The following CCDC73 variants were observed in gnomAD, a reference collection of about 807,000 sequenced individuals.
CCDC73 encodes the protein coiled-coil domain containing 73.
CCDC73 carries 95 observed loss-of-function variants against 116.5 expected under a neutral mutation model. The observed-to-expected ratio is 0.82, with a 90% CI of 0.69 to 0.97. The LOEUF is 0.97. Ranked by LOEUF, CCDC73 falls within the 50% of genes least tolerant of loss-of-function variation. The probability of loss-of-function intolerance (pLI) is 0.00; values close to 1 mark genes in which losing one functional copy is unlikely to be tolerated. For missense variants in CCDC73, 1,066 were observed against 1,206.8 expected (o/e 0.88, Z 1.73); for synonymous variants, 398 against 401.3 (o/e 0.99, Z 0.10).
intron 2 of CCDC73, among the ~76,000 whole-genome samples, chr11:32,718,552 C>T (rs141231756): frequency 6.6e-6 from 1 of 152,302 alleles, no homozygotes; most frequent in East Asian, 1.9e-4. Flanking sequence ...CAGGTGCTTA[C>T]AGAAAAGGTT....
At chr11:32,785,493 C>T (rs184514386) in intron 1 of CCDC73, among the ~76,000 whole-genome samples, 2 of 152,260 alleles carry the variant, frequency 1.3e-5, no homozygotes, top group East Asian at 3.9e-4. Context: ...CCTTGACCTC[C>T]AGGGCTCAAG....
chr11:32,748,066 T>C (rs1272660563), intron 2 of CCDC73, among the ~76,000 whole-genome samples: 1 of 152,250 alleles, frequency 6.6e-6, no homozygotes, highest in Non-Finnish European at 1.5e-5. Context: ...CTGTTCCTAT[T>C]CAGCCATCTT....
chr11:32,645,291 CTTTTTT>C (rs397689348), intron 12 of CCDC73, among the ~76,000 whole-genome samples: 2 of 121,084 alleles, frequency 1.7e-5, no homozygotes, highest in Non-Finnish European at 3.5e-5. Flanking sequence ...TTTTCTTTTT[CTTTTTT>C]TTTTTTTTTT....
upstream of CCDC73, among the ~76,000 whole-genome samples, chr11:32,798,097 G>A (rs773207008): frequency 6.6e-6 from 1 of 152,164 alleles, no homozygotes; most frequent in Non-Finnish European, 1.5e-5. Context: ...TTAGATTTGG[G>A]TCTCTAACCC....
chr11:32,711,871 A>G (rs544413218), intron 3 of CCDC73, among the ~76,000 whole-genome samples: 5 of 152,270 alleles, frequency 3.3e-5, no homozygotes, highest in African/African-American at 1.2e-4. Context: ...TAATGCTCTA[A>G]CAGAACACCA....
At chr11:32,798,043 G>C (rs1426556883), upstream of CCDC73, among the ~76,000 whole-genome samples, 1 of 152,134 alleles carries the variant, frequency 6.6e-6, no homozygotes, top group African/African-American at 2.4e-5. Flanking sequence ...TCACCATCAG[G>C]CTATATGCAT....
chr11:32,779,354 C>T (rs1238681695), intron 1 of CCDC73, among the ~76,000 whole-genome samples: 1 of 147,064 alleles, frequency 6.8e-6, no homozygotes, highest in Non-Finnish European at 1.5e-5. Context: ...ATATAGAAAA[C>T]ACAACTTAAG....
chr11:32,637,017 CT>C (rs71063750), intron 13 of CCDC73, among the ~76,000 whole-genome samples: 119 of 87,962 alleles, frequency 1.4e-3, no homozygotes, highest in South Asian at 0.012. Context: ...TTTTCTTTTT[CT>C]TTTTTTTTTT....
chr11:32,705,564 CTCTTGGCAGGCATG>C (rs1399016705), intron 3 of CCDC73, among the ~76,000 whole-genome samples: 1 of 152,178 alleles, frequency 6.6e-6, no homozygotes, highest in Non-Finnish European at 1.5e-5. Context: ...GCCTGGCTTG[CTCTTGGCAGGCATG>C]GGATCTGGGC....
chr11:32,822,993 C>T, the CCDC73 span, among the ~76,000 whole-genome samples: 14 of 152,074 alleles, frequency 9.2e-5, no homozygotes, highest in African/African-American at 3.4e-4. Flanking sequence ...CAGGGCCAGG[C>T]ACAGTGGCTC....
At chr11:32,826,529 AG>A in the CCDC73 span, among the ~76,000 whole-genome samples, 1 of 152,172 alleles carries the variant, frequency 6.6e-6, no homozygotes, top group South Asian at 2.1e-4. Context: ...GCTCAAATTC[AG>A]AGATGCATTA....
chr11:32,819,267 C>T, the CCDC73 span, among the ~76,000 whole-genome samples: 1 of 151,262 alleles, frequency 6.6e-6, no homozygotes, highest in Non-Finnish European at 1.5e-5. Flanking sequence ...GATTTCCATA[C>T]AGGACAAACC....
At chr11:32,622,774 G>A (rs1237443467) in intron 14 of CCDC73, among the ~76,000 whole-genome samples, 1 of 151,202 alleles carries the variant, frequency 6.6e-6, no homozygotes, top group Non-Finnish European at 1.5e-5. Flanking sequence ...AATACACACA[G>A]TGCATAGGTG....
chr11:32,718,414 G>C (rs531063868), intron 2 of CCDC73, among the ~76,000 whole-genome samples: 1 of 152,258 alleles, frequency 6.6e-6, no homozygotes, highest in South Asian at 2.1e-4. Context: ...CTGAGGACTG[G>C]TAAGAAGCTT....
the CCDC73 span, among the ~76,000 whole-genome samples, chr11:32,816,510 G>A: frequency 1.3e-5 from 2 of 152,152 alleles, no homozygotes; most frequent in Non-Finnish European, 2.9e-5. Flanking sequence ...GGCCTGTTCA[G>A]GATAGACTCT....
chr11:32,610,493 T>C (rs113901334), intron 17 of CCDC73, among the ~76,000 whole-genome samples: 13 of 152,378 alleles, frequency 8.5e-5, no homozygotes, highest in Non-Finnish European at 2.9e-5. Flanking sequence ...GAGAAAGTTG[T>C]TTAATAGTTT....
rs117590084 is a variant in CCDC73 at position 32,703,338 on chromosome 11, C to T, written c.208-394G>A. 1.2e-3 allele frequency among the ~76,000 whole-genome samples: 176 copies of T among 152,132 alleles called. 2 individuals carry two copies. In the East Asian group the frequency reaches 0.029, roughly 25 times the overall value. ...CCTGGACTCAAGCGACCCACCACTT[C>T]GGCCTCCCAAAATGCTAGGATTACA... On this transcript the variant is annotated intron_variant, in intron 3 of 17. Transcript: ENST00000335185.
chr11:32,744,771 T>A (rs964829313), intron 2 of CCDC73, among the ~76,000 whole-genome samples: 1 of 152,216 alleles, frequency 6.6e-6, no homozygotes, highest in Admixed American at 6.5e-5. Flanking sequence ...TATCATTTTT[T>A]ATTGCGACTA....
chr11:32,647,400 C>T (rs1253088303), intron 12 of CCDC73, among the ~76,000 whole-genome samples: 3 of 152,150 alleles, frequency 2.0e-5, no homozygotes, highest in African/African-American at 4.8e-5. Flanking sequence ...GCCCCCGTGA[C>T]GCACACACCT....
Sources: gnomAD v4.1 joint callset for allele counts (sites outside exome capture counted in the v4.1 genomes callset) on GRCh38, gnomAD v4.1.1 for gene constraint, MANE v1.5 for transcripts, NCBI Gene and HGNC (gene_info 2026-07-23, HGNC 2026-07-21) for gene names.